MEF2C: variants seen among roughly 807,000 people sequenced by gnomAD.
The protein encoded by MEF2C is myocyte-specific enhancer factor 2C.
Under a neutral mutation model 50.5 loss-of-function variants are expected in MEF2C, and 6 were observed. The ratio of observed to expected loss-of-function variants is 0.12; its 90% CI spans 0.07 to 0.23. The LOEUF is 0.23. MEF2C is among the 10% of genes least tolerant of loss of function. The pLI is 1.00. For synonymous variants in MEF2C, 183 were observed against 228.0 expected (o/e 0.80, Z 1.78); for missense variants, 276 against 605.0 (o/e 0.46, Z 5.70).
chr5:88,747,677 A>T (rs1770549766), intron 6 of MEF2C, among the ~76,000 whole-genome samples: 1 of 152,064 alleles, frequency 6.6e-6, no homozygotes, highest in African/African-American at 2.4e-5. Flanking sequence ...TGACTTTCAG[A>T]ACCACTACTA....
chr5:88,756,542 TCA>T (rs1775406991), intron 4 of MEF2C, among the ~76,000 whole-genome samples: 2 of 152,204 alleles, frequency 1.3e-5, no homozygotes, highest in African/African-American at 4.8e-5. Context: ...ATCAGGAATC[TCA>T]GTTACAGTCC....
intron 6 of MEF2C, chr5:88,741,786 T>C: frequency 2.0e-6 from 2 of 985,080 alleles, no homozygotes; most frequent in Non-Finnish European, 1.2e-6. Flanking sequence ...AAAGAAGGCA[T>C]AATGTCTAGT....
In MEF2C at chr5:88,717,491, T is replaced by C. The variant is rs1755104716; in HGVS notation, c.*5113A>G. 1 of 152,218 alleles carries C rather than the reference T, an allele frequency of 6.6e-6. No individual in the cohort carries two copies. Among genetic ancestry groups the C allele is most frequent in the Non-Finnish European group, 1.5e-5 (1 of 68,044 alleles). 9.4% of individuals were successfully genotyped at this position (152,218 alleles called of 1,614,324 possible). On this transcript the variant is annotated 3_prime_UTR_variant, in exon 11 of 11. Transcript: ENST00000504921. ...TCCTGGAATCACCACATGAGTTACA[T>C]ATAATAATTGCTTAATACATGTTTG...
At chr5:88,763,242 A>G (rs1386398708) in intron 3 of MEF2C, among the ~76,000 whole-genome samples, 1 of 152,238 alleles carries the variant, frequency 6.6e-6, no homozygotes, top group East Asian at 1.9e-4. Context: ...ATCTTGGGGA[A>G]TTTATAATTG....
intron 1 of MEF2C, among the ~76,000 whole-genome samples, chr5:88,872,626 A>G (rs1440002674): frequency 6.6e-6 from 1 of 152,068 alleles, no homozygotes; most frequent in African/African-American, 2.4e-5. Flanking sequence ...CAATGCTATG[A>G]TAATAATTTA....
rs765986750 is a variant in MEF2C at position 88,804,854 on chromosome 5, G to GTT, written c.55-55_55-54dup. The stretch of plus-strand genomic sequence containing the variant: ...TTTAAAAAATATTCATGCATGTGTG[G>GTT]TTTTTTTCTTTTCTTTTTTCTTTTC... On this transcript the variant is annotated intron_variant, in intron 2 of 10. Coordinates refer to ENST00000504921, the MANE Select transcript of MEF2C (RefSeq NM_002397.5). The GTT allele has an allele frequency of 2.7e-6, 4 of 1,458,070 alleles. No individual in the cohort carries two copies. The East Asian group carries it at 9.4e-5, about 34-fold the overall frequency. The allele number at this position is 1,458,070 out of a possible 1,614,324, so 90.3% of individuals were successfully genotyped here.
intron 5 of MEF2C, chr5:88,749,529 A>C: frequency 2.0e-6 from 2 of 979,000 alleles, no homozygotes; most frequent in Non-Finnish European, 1.2e-6. Flanking sequence ...GTGCAATGTT[A>C]ATTGTCCAGA....
intron 2 of MEF2C, among the ~76,000 whole-genome samples, chr5:88,816,434 T>C (rs1581148934): frequency 6.6e-6 from 1 of 151,484 alleles, no homozygotes; most frequent in Non-Finnish European, 1.5e-5. Context: ...GCCACAGCTG[T>C]TAAACATACA....
intron 1 of MEF2C, among the ~76,000 whole-genome samples, chr5:88,855,958 G>A (rs542903541): frequency 3.3e-5 from 5 of 152,298 alleles, no homozygotes; most frequent in African/African-American, 1.2e-4. Context: ...TGGGTAACAG[G>A]CAGAGGTTGG....
At chr5:88,819,309 A>G in intron 2 of MEF2C, 1 of 982,336 alleles carries the variant, frequency 1.0e-6, no homozygotes. Flanking sequence ...AATATGAGAG[A>G]TCCGGGCTCA....
At chr5:88,893,731 T>C (rs146034680) in intron 1 of MEF2C, among the ~76,000 whole-genome samples, 6 of 151,800 alleles carry the variant, frequency 4.0e-5, no homozygotes, top group South Asian at 2.1e-4. Flanking sequence ...CACATAATTA[T>C]ATCAATATTC....
Position 88,859,187 on chromosome 5 carries a change from A to G in MEF2C, c.-143+23768T>C, listed in dbSNP as rs1009122884. ...TGTGAGAAAATAACAAGCATTTAAA[A>G]AACTCTTTCCATGAAAAAATAAATT... On this transcript the variant is annotated intron_variant, in intron 1 of 10. Transcript: ENST00000504921. Among the ~76,000 whole-genome samples the G allele has an allele frequency of 4.6e-5, 7 of 152,244 alleles. No individual in the cohort carries two copies. In the East Asian group the frequency reaches 1.3e-3, roughly 29 times the overall value.
intron 1 of MEF2C, 165 bp from the exon 2 acceptor site, chr5:88,824,095 C>T: frequency 1.2e-6 from 1 of 864,774 alleles, no homozygotes; most frequent in Non-Finnish European, 1.4e-6. Flanking sequence ...CAGACAGGAG[C>T]AGATCAAGTA....
chr5:88,799,537 G>A (rs1797400358), intron 3 of MEF2C, among the ~76,000 whole-genome samples: 2 of 152,174 alleles, frequency 1.3e-5, no homozygotes, highest in Admixed American at 6.5e-5. Flanking sequence ...TGCTGCATTT[G>A]CTTTTCAACA....
At chr5:88,860,509 A>G (rs1408675399) in intron 1 of MEF2C, among the ~76,000 whole-genome samples, 1 of 152,132 alleles carries the variant, frequency 6.6e-6, no homozygotes, top group African/African-American at 2.4e-5. Flanking sequence ...TTTCACTTTA[A>G]AAAATGCCAT....
At chr5:88,768,091 G>A (rs965756359) in intron 3 of MEF2C, among the ~76,000 whole-genome samples, 11 of 152,090 alleles carry the variant, frequency 7.2e-5, no homozygotes, top group African/African-American at 2.7e-4. Flanking sequence ...CTTTCTGATC[G>A]CTCAGGCTGA....
chr5:88,766,354 A>G (rs568630580), intron 3 of MEF2C, among the ~76,000 whole-genome samples: 4 of 152,338 alleles, frequency 2.6e-5, no homozygotes, highest in Admixed American at 2.6e-4. Flanking sequence ...TTTCTTATGC[A>G]GTGATTAAAA....
chr5:88,802,501 C>T (rs1562121491), intron 3 of MEF2C, among the ~76,000 whole-genome samples: 1 of 152,202 alleles, frequency 6.6e-6, no homozygotes, highest in Admixed American at 6.5e-5. Context: ...GGCTGGAGTG[C>T]AGAGGCACAA....
chr5:88,730,175 C>T (rs1442893891), intron 8 of MEF2C, 36 bp downstream of exon 8: 2 of 1,569,688 alleles, frequency 1.3e-6, no homozygotes, highest in Non-Finnish European at 1.7e-6. Flanking sequence ...AGTAGCTTTG[C>T]ACATGCCATT....
Sources: gnomAD v4.1 joint callset for allele counts (sites outside exome capture counted in the v4.1 genomes callset) on GRCh38, gnomAD v4.1.1 for gene constraint, MANE v1.5 for transcripts, NCBI Gene and HGNC (gene_info 2026-07-23, HGNC 2026-07-21) for gene names.